Variants in XIRP2 observed in about 807,000 individuals in gnomAD.
XIRP2 encodes xin actin binding repeat containing 2.
In XIRP2, 236 loss-of-function variants were observed where a neutral mutation model predicts 277.0. The ratio of observed to expected loss-of-function variants is 0.85; its 90% confidence interval spans 0.77 to 0.95. The LOEUF (loss-of-function observed/expected upper bound fraction) is 0.95. XIRP2 is among the 40% of genes least tolerant of loss of function. XIRP2 has a pLI of 0.00. For synonymous variants in XIRP2, 1,490 were observed against 1,416.5 expected, an observed-to-expected ratio of 1.05 and a Z score of -1.17; for missense variants, 4,640 against 4,157.5, an observed-to-expected ratio of 1.12 and a Z score of -3.19.
At chr2:167,130,652 T>G (rs1198035434) in intron 2 of XIRP2, among the ~76,000 whole-genome samples, 1 of 152,104 alleles carries the variant, frequency 6.6e-6, no homozygotes, top group Non-Finnish European at 1.5e-5. Context: ...CAGTTTACCC[T>G]TTCTTTTCTT....
chr2:166,996,734 C>G (rs1687232088), intron 2 of XIRP2, among the ~76,000 whole-genome samples: 2 of 152,046 alleles, frequency 1.3e-5, no homozygotes. Flanking sequence ...TCGGCCTGAA[C>G]CAAGATGATG....
intron 2 of XIRP2, among the ~76,000 whole-genome samples, chr2:166,925,484 C>T (rs1306418855): frequency 6.6e-6 from 1 of 151,016 alleles, no homozygotes; most frequent in African/African-American, 2.4e-5. Context: ...ACAGCATAAT[C>T]GGCTCAACTC....
intron 2 of XIRP2, among the ~76,000 whole-genome samples, chr2:167,001,330 G>C (rs1043684814): frequency 3.9e-5 from 6 of 151,910 alleles, no homozygotes; most frequent in Non-Finnish European, 8.8e-5. Context: ...TTTCTGAAAG[G>C]CCACAATAAA....
At chr2:167,231,596 T>C (rs1694756476) in intron 5 of XIRP2, among the ~76,000 whole-genome samples, 1 of 151,898 alleles carries the variant, frequency 6.6e-6, no homozygotes, top group African/African-American at 2.4e-5. Flanking sequence ...CAAAACCATT[T>C]TCTATTCTAC....
intron 5 of XIRP2, among the ~76,000 whole-genome samples, chr2:167,221,402 G>A (rs1573969895): frequency 6.8e-6 from 1 of 147,994 alleles, no homozygotes; most frequent in East Asian, 2.0e-4. Context: ...GAAGATTGCG[G>A]TGAGCCGAGA....
chr2:167,096,075 G>C (rs1033876418), intron 2 of XIRP2, among the ~76,000 whole-genome samples: 1 of 135,824 alleles, frequency 7.4e-6, no homozygotes, highest in Admixed American at 6.9e-5. Context: ...GGATTTCACT[G>C]GAAGTCCCTC....
At position 167,251,642 on chromosome 2, in the gene XIRP2, A is replaced by G; in HGVS notation, c.10250A>G (p.Glu3417Gly). The G allele has an allele frequency of 6.2e-7, 1 of 1,613,504 alleles. No homozygotes were observed. The change falls in exon 9 of 11, where the codon GAA (glutamate) becomes GGA (glycine). Residue 3417 changes from glutamate (E) to glycine (G), a missense_variant. Glu to Gly is a moderately conservative substitution (Grantham distance 98). Transcript: ENST00000409195. ...TGCTCTGAAACCAGGTCTCTAAGTG[A>G]ACATTTCTCAGGCATGGATGCATTT... is the stretch of plus-strand genomic sequence containing the variant. ...RICSETRSLS[E>G]HFSGMDAFES...
In XIRP2 at chr2:167,247,579, G is replaced by C. The variant is rs1432882888; in HGVS notation, c.6187G>C (p.Gly2063Arg). The stretch of plus-strand genomic sequence containing the variant: ...TGTTTTGGAATCAGGAGACAAAACG[G>C]GTGTCTGGACTGATACTACAGGAGA... ...SNVLESGDKT[G>R]VWTDTTGEQH... Residue 2063 changes from glycine to arginine, a missense_variant, in exon 9 of 11, where the codon GGT becomes CGT. Gly to Arg is a moderately radical substitution (Grantham distance 125). Transcript: ENST00000409195. The C allele has an allele frequency of 5.6e-6, 9 of 1,613,548 alleles. No homozygotes were observed. Among genetic ancestry groups the C allele is most frequent in the Non-Finnish European group, 7.6e-6 (9 of 1,179,752 alleles).
At chr2:167,228,997 C>T (rs1694682810) in intron 5 of XIRP2, among the ~76,000 whole-genome samples, 1 of 152,082 alleles carries the variant, frequency 6.6e-6, no homozygotes. Flanking sequence ...AAAAGAAGTG[C>T]TGCTGTTCTC....
intron 2 of XIRP2, among the ~76,000 whole-genome samples, chr2:167,022,916 T>C (rs1033675517): frequency 1.6e-4 from 24 of 152,222 alleles, no homozygotes; most frequent in Admixed American, 1.0e-3. Context: ...AATAAACATA[T>C]GTGTGCATGT....
intron 2 of XIRP2, among the ~76,000 whole-genome samples, chr2:167,092,952 C>A (rs1210787440): frequency 6.6e-6 from 1 of 151,956 alleles, no homozygotes; most frequent in Non-Finnish European, 1.5e-5. Flanking sequence ...AAAATTGTAA[C>A]CAGGATTAAA....
chr2:167,134,385 T>G (rs1691478473), intron 2 of XIRP2, among the ~76,000 whole-genome samples: 1 of 151,886 alleles, frequency 6.6e-6, no homozygotes, highest in Non-Finnish European at 1.5e-5. Flanking sequence ...GTGTATATAT[T>G]ATATATAAAT....
intron 2 of XIRP2, among the ~76,000 whole-genome samples, chr2:166,959,947 T>C (rs1368490264): frequency 1.3e-5 from 2 of 151,806 alleles, no homozygotes; most frequent in African/African-American, 4.8e-5. Context: ...TAGGAAAGCA[T>C]AATTGAGTAA....
At position 167,137,641 on chromosome 2, in the gene XIRP2, A is replaced by T. The variant is rs1245881764; in HGVS notation, c.562+1579A>T. Among the ~76,000 whole-genome samples, 3 of 152,328 alleles carry T rather than the reference A, an allele frequency of 2.0e-5. No homozygotes were observed. In the East Asian group the frequency reaches 5.8e-4, roughly 29 times the overall value. On this transcript the variant is annotated intron_variant, in intron 3 of 10. Coordinates refer to ENST00000409195, the MANE Select transcript of XIRP2 (RefSeq NM_152381.6). Reference sequence around the variant, plus strand: ...TTTATGTTAAAAGCTTAGAAAAAGTATTCTGGAGTGTAACCACTATTTACT... The same window carrying T: ...TTTATGTTAAAAGCTTAGAAAAAGTTTTCTGGAGTGTAACCACTATTTACT...
chr2:167,098,025 C>A (rs1489679683), intron 2 of XIRP2, among the ~76,000 whole-genome samples: 6 of 152,068 alleles, frequency 3.9e-5, no homozygotes, highest in Non-Finnish European at 5.9e-5. Flanking sequence ...GATTATGTGT[C>A]TTGGGGTTGC....
At chr2:167,226,262 A>T (rs907519987) in intron 5 of XIRP2, among the ~76,000 whole-genome samples, 1 of 152,044 alleles carries the variant, frequency 6.6e-6, no homozygotes, top group Non-Finnish European at 1.5e-5. Context: ...TGCCCATTTT[A>T]TTACCACTTT....
At chr2:167,128,480 C>G (rs1691275054) in intron 2 of XIRP2, among the ~76,000 whole-genome samples, 1 of 151,972 alleles carries the variant, frequency 6.6e-6, no homozygotes, top group Non-Finnish European at 1.5e-5. Context: ...ATATGGAAAG[C>G]TGACTTCATA....
At chr2:166,945,197 G>A (rs1220860602) in intron 2 of XIRP2, among the ~76,000 whole-genome samples, 2 of 152,108 alleles carry the variant, frequency 1.3e-5, no homozygotes, top group Admixed American at 1.3e-4. Context: ...CCAAAGTAAG[G>A]AGTATGAGAA....
intron 3 of XIRP2, among the ~76,000 whole-genome samples, chr2:167,204,122 G>A (rs771126188): frequency 1.3e-5 from 2 of 152,152 alleles, no homozygotes; most frequent in Admixed American, 6.5e-5. Flanking sequence ...AGCACACTTC[G>A]CCTGGTTCTT....
Sources: gnomAD v4.1 joint callset for allele counts (sites outside exome capture counted in the v4.1 genomes callset) on GRCh38, gnomAD v4.1.1 for gene constraint, MANE v1.5 for transcripts, NCBI Gene and HGNC (gene_info 2026-07-23, HGNC 2026-07-21) for gene names.